The following DYNC1I1 variants were observed in gnomAD, a reference collection of about 807,000 sequenced individuals.
The protein encoded by DYNC1I1 is cytoplasmic dynein 1 intermediate chain 1.
In DYNC1I1, 43 loss-of-function variants were observed where a neutral mutation model predicts 86.6. The observed-to-expected ratio is 0.50, with a 90% CI of 0.39 to 0.64. The LOEUF is 0.64. DYNC1I1 is among the 30% of genes least tolerant of loss of function. The probability of loss-of-function intolerance (pLI) is 0.00; values close to 1 mark genes in which losing one functional copy is unlikely to be tolerated. For synonymous variants in DYNC1I1, 262 were observed against 283.7 expected (o/e 0.92, Z 0.77); for missense variants, 604 against 788.8 (o/e 0.77, Z 2.81).
At chr7:96,031,259 C>T (rs1207076963) in intron 11 of DYNC1I1, among the ~76,000 whole-genome samples, 1 of 151,878 alleles carries the variant, frequency 6.6e-6, no homozygotes, top group Non-Finnish European at 1.5e-5. Flanking sequence ...AAGAGATTCA[C>T]CAGGATAGGA....
intron 6 of DYNC1I1, among the ~76,000 whole-genome samples, chr7:95,916,010 C>T (rs1791459389): frequency 6.6e-6 from 1 of 152,180 alleles, no homozygotes; most frequent in Non-Finnish European, 1.5e-5. Context: ...GTTATCAGTA[C>T]TCTTAGAATC....
intron 5 of DYNC1I1, among the ~76,000 whole-genome samples, chr7:95,868,633 T>A (rs1790078019): frequency 6.6e-6 from 1 of 152,106 alleles, no homozygotes; most frequent in Non-Finnish European, 1.5e-5. Context: ...TGTCCAATAC[T>A]AATAACATAA....
intron 6 of DYNC1I1, among the ~76,000 whole-genome samples, chr7:95,939,813 G>C (rs1245070103): frequency 1.3e-5 from 2 of 152,100 alleles, no homozygotes; most frequent in Non-Finnish European, 1.5e-5. Context: ...GGTTAATATT[G>C]TTATGTGTGA....
chr7:95,838,894 G>T (rs1050028123), intron 5 of DYNC1I1, among the ~76,000 whole-genome samples: 5 of 152,032 alleles, frequency 3.3e-5, no homozygotes, highest in Non-Finnish European at 5.9e-5. Context: ...AGTTTCCTAC[G>T]TACAAGGTCA....
chr7:95,965,006 T>C (rs1202575171), intron 6 of DYNC1I1, among the ~76,000 whole-genome samples: 1 of 152,138 alleles, frequency 6.6e-6, no homozygotes, highest in African/African-American at 2.4e-5. Flanking sequence ...CATTATGAGA[T>C]AGAGCTGGAC....
intron 12 of DYNC1I1, among the ~76,000 whole-genome samples, chr7:96,033,485 A>C (rs1192432912): frequency 2.6e-5 from 4 of 152,188 alleles, no homozygotes; most frequent in African/African-American, 7.2e-5. Context: ...ACATACACAC[A>C]CGCTTTTTCC....
chr7:96,025,266 T>G (rs1175375797), intron 10 of DYNC1I1, among the ~76,000 whole-genome samples: 2 of 152,108 alleles, frequency 1.3e-5, no homozygotes, highest in Non-Finnish European at 2.9e-5. Flanking sequence ...CCTGGAGACC[T>G]GTGTTGAACA....
In DYNC1I1 at chr7:96,047,833, A is replaced by G. The variant is rs184626400; in HGVS notation, c.1509+8412A>G. Among the ~76,000 whole-genome samples, 19 of 152,306 alleles carry G rather than the reference A, an allele frequency of 1.2e-4. No individual in the cohort carries two copies. In the East Asian group the frequency reaches 3.5e-3, roughly 28 times the overall value. ...AACAGAATTCACCGCTATATAACTCATCCATGTAACAAAAAGCGACTTGAA... is the reference window on the plus strand; with the variant it reads ...AACAGAATTCACCGCTATATAACTCGTCCATGTAACAAAAAGCGACTTGAA... On this transcript the variant is annotated intron_variant, in intron 14 of 16. Coordinates refer to ENST00000447467, the MANE Select transcript of DYNC1I1 (RefSeq NM_001135556.2).
intron 6 of DYNC1I1, among the ~76,000 whole-genome samples, chr7:95,886,301 TG>T (rs1411116715): frequency 6.6e-6 from 1 of 151,920 alleles, no homozygotes; most frequent in Non-Finnish European, 1.5e-5. Context: ...CTGAGCGTGG[TG>T]TCATGTCTGT....
At chr7:96,074,550 CAAAAAAAAAAAAA>C (rs61571160) in intron 14 of DYNC1I1, among the ~76,000 whole-genome samples, 1 of 66,950 alleles carries the variant, frequency 1.5e-5, no homozygotes, top group Admixed American at 1.7e-4. Flanking sequence ...GACTCCGTCT[CAAAAAAAAAAAAA>C]AAAAAAAAAA....
intron 10 of DYNC1I1, among the ~76,000 whole-genome samples, chr7:95,996,710 G>A (rs898017066): frequency 8.5e-5 from 13 of 152,192 alleles, no homozygotes; most frequent in African/African-American, 2.9e-4. Flanking sequence ...CCTTGTACAC[G>A]TTCAGCATTG....
At chr7:95,925,125 T>C (rs538248460) in intron 6 of DYNC1I1, among the ~76,000 whole-genome samples, 8 of 152,152 alleles carry the variant, frequency 5.3e-5, no homozygotes, top group Non-Finnish European at 1.0e-4. Flanking sequence ...TCCCATCCCT[T>C]CTCTCTAAAC....
At chr7:95,850,737 T>C (rs751100835) in intron 5 of DYNC1I1, among the ~76,000 whole-genome samples, 2 of 152,314 alleles carry the variant, frequency 1.3e-5, no homozygotes, top group East Asian at 3.9e-4. Flanking sequence ...ATTTCACAGA[T>C]AAACGATTCA....
chr7:95,905,296 G>A (rs1014928202), intron 6 of DYNC1I1, among the ~76,000 whole-genome samples: 1 of 152,094 alleles, frequency 6.6e-6, no homozygotes, highest in East Asian at 1.9e-4. Context: ...CCCATGTTGC[G>A]TGTGCAGAAA....
At chr7:95,854,326 G>A (rs1242860383) in intron 5 of DYNC1I1, among the ~76,000 whole-genome samples, 1 of 151,764 alleles carries the variant, frequency 6.6e-6, no homozygotes, top group Non-Finnish European at 1.5e-5. Flanking sequence ...TTTGCTTTGT[G>A]GTTACCATGA....
intron 5 of DYNC1I1, among the ~76,000 whole-genome samples, chr7:95,855,133 G>C (rs1789685094): frequency 6.6e-6 from 1 of 152,180 alleles, no homozygotes; most frequent in Non-Finnish European, 1.5e-5. Context: ...AAACACGTCT[G>C]ATGGTGATGA....
intron 10 of DYNC1I1, among the ~76,000 whole-genome samples, chr7:96,012,210 G>A (rs2115853803): frequency 6.6e-6 from 1 of 152,256 alleles, no homozygotes; most frequent in South Asian, 2.1e-4. Flanking sequence ...TTCCACTAAT[G>A]TAACTTAGGC....
At chr7:96,053,699 C>A (rs1562986978) in intron 14 of DYNC1I1, among the ~76,000 whole-genome samples, 2 of 152,104 alleles carry the variant, frequency 1.3e-5, no homozygotes, top group Non-Finnish European at 2.9e-5. Context: ...TTTATGATAT[C>A]TATGTATTTC....
intron 1 of DYNC1I1, among the ~76,000 whole-genome samples, chr7:95,784,276 G>T (rs1249743085): frequency 6.6e-6 from 1 of 152,172 alleles, no homozygotes; most frequent in East Asian, 1.9e-4. Context: ...TCAAAGTCAT[G>T]TTAAATTAAA....
Sources: allele counts gnomAD v4.1 joint callset (sites outside exome capture counted in the v4.1 genomes callset), GRCh38; gene constraint gnomAD v4.1.1; transcripts MANE v1.5; gene names NCBI Gene and HGNC (gene_info 2026-07-23, HGNC 2026-07-21).